The following CBFA2T3 variants were observed in gnomAD, a reference collection of about 807,000 sequenced individuals.
The protein encoded by CBFA2T3 is CBFA2/RUNX1 partner transcriptional co-repressor 3.
A neutral mutation model predicts 58.6 loss-of-function variants in CBFA2T3; 31 were observed. That is an observed-to-expected ratio of 0.53 (90% CI 0.40 to 0.71). CBFA2T3 has a LOEUF of 0.71. CBFA2T3 is among the 30% of genes least tolerant of loss of function. The pLI is 0.00. For synonymous variants in CBFA2T3, 531 were observed against 421.9 expected (o/e 1.26, Z -3.17); for missense variants, 1,076 against 963.1 (o/e 1.12, Z -1.55).
Position 88,885,342 on chromosome 16 carries a change from A to G in CBFA2T3, c.894-73T>C. 9.7e-7 allele frequency: 1 copy of G among 1,033,590 alleles called. No individual in the cohort carries two copies. The highest frequency in any genetic ancestry group is 1.4e-6 in the Non-Finnish European group (1 of 736,214). 64.0% of individuals were successfully genotyped at this position (1,033,590 alleles called of 1,614,324 possible). Reference sequence around the variant, plus strand: ...CGGGGACAGAGGTGCAGGTGGGGTGAGAGGCAGACAGGCAAGGGCAGAGAG... The same window carrying G: ...CGGGGACAGAGGTGCAGGTGGGGTGGGAGGCAGACAGGCAAGGGCAGAGAG... On this transcript the variant is annotated intron_variant, in intron 6 of 11. Coordinates refer to ENST00000268679, the MANE Select transcript of CBFA2T3 (RefSeq NM_005187.6). The surrounding 1 kb of genome is among the most constrained non-coding windows in gnomAD (Gnocchi z 5.3).
chr16:88,914,893 G>A (rs982056787), intron 1 of CBFA2T3, among the ~76,000 whole-genome samples: 4 of 152,104 alleles, frequency 2.6e-5, no homozygotes, highest in Admixed American at 6.5e-5. Context: ...TTGCCCAGCT[G>A]CTAGAGCTGC....
intron 8 of CBFA2T3, among the ~76,000 whole-genome samples, chr16:88,882,135 G>A (rs1040074955): frequency 2.6e-5 from 4 of 152,240 alleles, no homozygotes; most frequent in African/African-American, 7.2e-5. Flanking sequence ...CTGGGAGGAG[G>A]GGGGCTCAGG....
At chr16:88,918,449 G>A (rs1325397299) in intron 1 of CBFA2T3, among the ~76,000 whole-genome samples, 4 of 152,378 alleles carry the variant, frequency 2.6e-5, no homozygotes, top group Admixed American at 2.6e-4. Flanking sequence ...CCAGCCCACA[G>A]CCGTGGGGAG....
chr16:88,927,478 C>T lies in CBFA2T3; in HGVS notation c.152-25822G>A, dbSNP rs565111559. On this transcript the variant is annotated intron_variant, in intron 1 of 11. Transcript: ENST00000268679. Reference sequence around the variant, plus strand: ...GGAGGGGCTGGGGAAGAGGTGGGTCCACCTGTTCTCCTCCAGGGACCTCCC... The same window carrying T: ...GGAGGGGCTGGGGAAGAGGTGGGTCTACCTGTTCTCCTCCAGGGACCTCCC... Among the ~76,000 whole-genome samples, 4 of 152,294 alleles carry T rather than the reference C, an allele frequency of 2.6e-5. No homozygotes were observed. The South Asian group carries it at 6.2e-4, about 24-fold the overall frequency.
At chr16:88,882,495 G>T (rs1256762855) in intron 8 of CBFA2T3, among the ~76,000 whole-genome samples, 181 bp downstream of exon 8, 2 of 149,532 alleles carry the variant, frequency 1.3e-5, no homozygotes, top group African/African-American at 5.0e-5. Flanking sequence ...GACTGCACGG[G>T]CGTGGCTGTG....
intron 1 of CBFA2T3, among the ~76,000 whole-genome samples, chr16:88,976,283 G>A (rs1191206166): frequency 1.3e-5 from 2 of 152,258 alleles, no homozygotes; most frequent in Middle Eastern, 3.4e-3. Flanking sequence ...ACACCCGGAG[G>A]GCATCCCAGG....
At position 88,875,117 on chromosome 16, in the gene CBFA2T3, A is replaced by G. The variant is rs533536818; in HGVS notation, c.*1859T>C. The G allele has an allele frequency of 7.4e-4, 160 of 216,906 alleles. No individual in the cohort carries two copies. Among genetic ancestry groups the G allele is most frequent in the African/African-American group, 3.1e-3 (125 of 40,302 alleles). The allele number at this position is 216,906 out of a possible 1,614,324, so 13.4% of individuals were successfully genotyped here. A position where few individuals can be genotyped will look rare whatever the true frequency, so the allele number is the denominator to read the frequency against. On this transcript the variant is annotated 3_prime_UTR_variant, in exon 12 of 12. Coordinates refer to ENST00000268679, the MANE Select transcript of CBFA2T3 (RefSeq NM_005187.6). ...GATGCCAGGCCACGGGCCACGCCAC[A>G]CACACAGATGCCAGGCCACGGGCCA...
intron 5 of CBFA2T3, among the ~76,000 whole-genome samples, chr16:88,890,473 G>A (rs1448266667): frequency 1.3e-5 from 2 of 152,212 alleles, no homozygotes; most frequent in East Asian, 3.8e-4. Flanking sequence ...GTGTGGCCAG[G>A]CTGGCAGCTC....
At chr16:88,966,040 T>C (rs1011321924) in intron 1 of CBFA2T3, among the ~76,000 whole-genome samples, 12 of 152,108 alleles carry the variant, frequency 7.9e-5, no homozygotes, top group South Asian at 2.1e-4. Flanking sequence ...GCATACAGAG[T>C]TCCCCCTGGG....
intron 11 of CBFA2T3, 127 bp downstream of exon 11, chr16:88,879,139 GTGCC>G (rs1209370484): frequency 1.3e-6 from 1 of 757,050 alleles, no homozygotes; most frequent in Admixed American, 2.4e-5. Context: ...CGGGGATGGC[GTGCC>G]TGCTGCAGGA....
At chr16:88,914,772 A>T (rs185635682) in intron 1 of CBFA2T3, among the ~76,000 whole-genome samples, 14 of 152,254 alleles carry the variant, frequency 9.2e-5, no homozygotes, top group Admixed American at 9.1e-4. Flanking sequence ...GAGAGTGGTG[A>T]GCTCAGAGGC....
At chr16:88,934,309 G>A (rs796895217) in intron 1 of CBFA2T3, among the ~76,000 whole-genome samples, 1 of 152,388 alleles carries the variant, frequency 6.6e-6, no homozygotes, top group African/African-American at 2.4e-5. Flanking sequence ...GGGCCGACTT[G>A]GGCCCATAGG....
At chr16:88,880,512 T>A (rs960968509) in intron 10 of CBFA2T3, among the ~76,000 whole-genome samples, 22 of 152,184 alleles carry the variant, frequency 1.4e-4, no homozygotes, top group African/African-American at 4.8e-4. Flanking sequence ...ACCGGTCCGT[T>A]TCCTGGTAGG....
intron 3 of CBFA2T3, among the ~76,000 whole-genome samples, chr16:88,897,493 C>T (rs922391931): frequency 6.6e-6 from 1 of 152,254 alleles, no homozygotes; most frequent in Non-Finnish European, 1.5e-5. Flanking sequence ...CCGCCATGGG[C>T]CACGCACGTT....
intron 1 of CBFA2T3, among the ~76,000 whole-genome samples, chr16:88,901,888 AG>A (rs1367619665): frequency 5.9e-5 from 9 of 152,078 alleles, no homozygotes; most frequent in Non-Finnish European, 1.0e-4. Flanking sequence ...GCCAGGCTGG[AG>A]CTGGGGCCCT....
At chr16:88,962,627 G>T (rs147236100) in intron 1 of CBFA2T3, among the ~76,000 whole-genome samples, 1 of 152,180 alleles carries the variant, frequency 6.6e-6, no homozygotes, top group Admixed American at 6.5e-5. Flanking sequence ...CACAGATGCC[G>T]AGTCCCCTGG....
chr16:88,922,441 G>A (rs1467824718), intron 1 of CBFA2T3, among the ~76,000 whole-genome samples: 1 of 152,260 alleles, frequency 6.6e-6, no homozygotes, highest in Admixed American at 6.5e-5. Flanking sequence ...CAGCGTGGGC[G>A]CAGTGGGAAG....
intron 3 of CBFA2T3, among the ~76,000 whole-genome samples, chr16:88,895,057 G>A (rs1344852734): frequency 1.3e-5 from 2 of 152,166 alleles, no homozygotes; most frequent in African/African-American, 4.8e-5. Flanking sequence ...TGTCTGGACG[G>A]GAGGGAACAT....
rs975671773 is a variant in CBFA2T3 at position 88,976,886 on chromosome 16, C to A, written c.-79G>T. On this transcript the variant is annotated 5_prime_UTR_variant, in exon 1 of 12. Transcript: ENST00000268679. ...GACTGCCTTTCCCGACCTCCTGCAGCCTTGAGGGAAAGAGGAGGGGCTGGG... is the reference window on the plus strand; with the variant it reads ...GACTGCCTTTCCCGACCTCCTGCAGACTTGAGGGAAAGAGGAGGGGCTGGG... 78 of 1,474,332 alleles carry A rather than the reference C, an allele frequency of 5.3e-5. 1 individual carries two copies. In the East Asian group the frequency reaches 1.8e-3, roughly 34 times the overall value. The allele number at this position is 1,474,332 out of a possible 1,614,324, so 91.3% of individuals were successfully genotyped here.
Sources: gnomAD v4.1 joint callset for allele counts (sites outside exome capture counted in the v4.1 genomes callset) on GRCh38, gnomAD v4.1.1 for gene constraint, Gnocchi (gnomAD v3.1) non-coding constraint, MANE v1.5 for transcripts, NCBI Gene and HGNC (gene_info 2026-07-23, HGNC 2026-07-21) for gene names.